The following TMEM132D variants were observed in gnomAD, a reference collection of about 807,000 sequenced individuals.
The protein encoded by TMEM132D is transmembrane protein 132D.
Under a neutral mutation model 62.3 loss-of-function variants are expected in TMEM132D, and 21 were observed. That is an observed-to-expected ratio of 0.34 (90% confidence interval 0.24 to 0.49). TMEM132D has a LOEUF of 0.49. TMEM132D is among the 20% of genes least tolerant of loss of function. The probability of loss-of-function intolerance (pLI) is 0.99; values close to 1 mark genes in which losing one functional copy is unlikely to be tolerated. For synonymous variants in TMEM132D, 621 were observed against 575.6 expected, an observed-to-expected ratio of 1.08 and a Z score of -1.13; for missense variants, 1,346 against 1,402.8, an observed-to-expected ratio of 0.96 and a Z score of 0.65.
intron 4 of TMEM132D, among the ~76,000 whole-genome samples, chr12:129,238,992 TTC>T (rs1879859782): frequency 7.4e-6 from 1 of 134,484 alleles, no homozygotes; most frequent in African/African-American, 3.0e-5. Context: ...ATTTGTTATT[TTC>T]TGTTTTTTTT....
intron 2 of TMEM132D, among the ~76,000 whole-genome samples, chr12:129,676,936 C>T (rs1374933412): frequency 6.6e-6 from 1 of 152,252 alleles, no homozygotes; most frequent in Admixed American, 6.5e-5. Flanking sequence ...TATCCTATCC[C>T]GCCTTTTGCA....
chr12:129,861,611 A>C lies in TMEM132D; in HGVS notation c.79+41650T>G, dbSNP rs140403482. 4.2e-3 allele frequency among the ~76,000 whole-genome samples: 647 copies of C among 152,238 alleles called. 4 individuals carry two copies. Among genetic ancestry groups the C allele is most frequent in the African/African-American group, 0.015 (624 of 41,546 alleles). ...CCCCATCTCTACTAAAAATACAAAAATTAGCCGGTCATGGTGGTGCACTCC... is the reference window on the plus strand; with the variant it reads ...CCCCATCTCTACTAAAAATACAAAACTTAGCCGGTCATGGTGGTGCACTCC... On this transcript the variant is annotated intron_variant, in intron 1 of 8. Coordinates refer to ENST00000422113, the MANE Select transcript of TMEM132D (RefSeq NM_133448.3).
chr12:129,278,554 C>T (rs542731509), intron 4 of TMEM132D, among the ~76,000 whole-genome samples: 1 of 152,296 alleles, frequency 6.6e-6, no homozygotes, highest in South Asian at 2.1e-4. Flanking sequence ...GAACTCTTGA[C>T]TGTCTAGGGC....
At chr12:129,866,527 G>A (rs934742247) in intron 1 of TMEM132D, among the ~76,000 whole-genome samples, 3 of 151,690 alleles carry the variant, frequency 2.0e-5, no homozygotes, top group Non-Finnish European at 4.4e-5. Context: ...CACTAACATG[G>A]CACATGTATA....
At chr12:129,892,313 T>C (rs1291843951) in intron 1 of TMEM132D, among the ~76,000 whole-genome samples, 1 of 152,224 alleles carries the variant, frequency 6.6e-6, no homozygotes, top group Non-Finnish European at 1.5e-5. Flanking sequence ...AAATCTATGT[T>C]TAATAGACAA....
At chr12:129,358,598 G>A (rs765824461) in intron 3 of TMEM132D, among the ~76,000 whole-genome samples, 7 of 152,142 alleles carry the variant, frequency 4.6e-5, no homozygotes, top group Admixed American at 6.5e-5. Flanking sequence ...AGGGGAGGTG[G>A]GAGGTGGACA....
intron 4 of TMEM132D, among the ~76,000 whole-genome samples, chr12:129,319,346 A>C (rs1868605905): frequency 6.6e-6 from 1 of 152,160 alleles, no homozygotes; most frequent in African/African-American, 2.4e-5. Flanking sequence ...GTAAAGTTAG[A>C]AACTTCTTCC....
chr12:129,132,913 CCACTT>C (rs1323251745), intron 5 of TMEM132D, among the ~76,000 whole-genome samples: 34 of 152,232 alleles, frequency 2.2e-4, no homozygotes, highest in Middle Eastern at 3.4e-3. Context: ...GTAGCTGACT[CCACTT>C]CACTCCAGTT....
intron 2 of TMEM132D, among the ~76,000 whole-genome samples, chr12:129,651,778 T>C (rs1307516433): frequency 6.6e-6 from 1 of 151,966 alleles, no homozygotes; most frequent in Non-Finnish European, 1.5e-5. Context: ...CTTTGAGGAG[T>C]CATGCATGTA....
chr12:129,778,556 C>T (rs1197124018), intron 1 of TMEM132D, among the ~76,000 whole-genome samples: 2 of 152,192 alleles, frequency 1.3e-5, no homozygotes, highest in African/African-American at 4.8e-5. Flanking sequence ...GCACAGTCAT[C>T]CTGAGCATTG....
chr12:129,619,744 C>T lies in TMEM132D; in HGVS notation c.968+80066G>A, dbSNP rs534930432. 1.6e-4 allele frequency among the ~76,000 whole-genome samples: 25 copies of T among 152,316 alleles called. No homozygotes were observed. The South Asian group carries it at 4.4e-3, about 27-fold the overall frequency. On this transcript the variant is annotated intron_variant, in intron 2 of 8. Coordinates refer to ENST00000422113, the MANE Select transcript of TMEM132D (RefSeq NM_133448.3). ...ATCATCTGACATTTGGTTTAAAGGTCTCAATCAGGAGTGTTAATGAAACTC... is the reference window on the plus strand; with the variant it reads ...ATCATCTGACATTTGGTTTAAAGGTTTCAATCAGGAGTGTTAATGAAACTC...
chr12:129,866,421 C>T (rs1874062947), intron 1 of TMEM132D, among the ~76,000 whole-genome samples: 2 of 133,944 alleles, frequency 1.5e-5, no homozygotes, highest in African/African-American at 5.8e-5. Context: ...AGGTGGGGAA[C>T]ATCACACACC....
chr12:129,337,878 C>A, intron 3 of TMEM132D, 61 bp from the exon 4 acceptor site: 1 of 1,513,994 alleles, frequency 6.6e-7, no homozygotes, highest in Non-Finnish European at 8.8e-7. Flanking sequence ...GCACGCTTGG[C>A]AGAGAGTGGG....
intron 5 of TMEM132D, among the ~76,000 whole-genome samples, chr12:129,152,288 G>A (rs1354393129): frequency 6.6e-6 from 1 of 152,198 alleles, no homozygotes; most frequent in Non-Finnish European, 1.5e-5. Context: ...TTGTCACAGA[G>A]CATTTCTCCA....
rs149113234 is a variant in TMEM132D, at chr12:129,419,145, A to C, written c.1116-81328T>G. Reference sequence around the variant, plus strand: ...GTTATGTAAAAAATGGGTGGAGAAAACTAATACACCCTATTTCTTCTATTT... The same window carrying C: ...GTTATGTAAAAAATGGGTGGAGAAACCTAATACACCCTATTTCTTCTATTT... On this transcript the variant is annotated intron_variant, in intron 3 of 8. Coordinates refer to ENST00000422113, the MANE Select transcript of TMEM132D (RefSeq NM_133448.3). Among the ~76,000 whole-genome samples, 1,304 of 151,892 alleles carry C rather than the reference A, an allele frequency of 8.6e-3. 11 individuals carry two copies. Among genetic ancestry groups the C allele is most frequent in the Middle Eastern group, 0.027 (8 of 294 alleles).
chr12:129,207,407 G>A (rs1878885787), intron 5 of TMEM132D, among the ~76,000 whole-genome samples: 1 of 152,210 alleles, frequency 6.6e-6, no homozygotes, highest in South Asian at 2.1e-4. Context: ...ATAAACGTAT[G>A]CTATGTATGA....
At position 129,749,379 on chromosome 12, in the gene TMEM132D, C is replaced by T. The variant is rs114329507; in HGVS notation, c.80-48681G>A. ...TTCAGAGAAGTAAAACTTTCATGAA[C>T]TGTCATTAATCAGAGGTGTCTCTTC... On this transcript the variant is annotated intron_variant, in intron 1 of 8. Transcript: ENST00000422113. 2.7e-3 allele frequency among the ~76,000 whole-genome samples: 415 copies of T among 152,230 alleles called. 4 individuals carry two copies. The highest frequency in any genetic ancestry group is 9.5e-3 in the African/African-American group (393 of 41,562).
At chr12:129,383,780 A>G (rs1871023812) in intron 3 of TMEM132D, among the ~76,000 whole-genome samples, 2 of 152,184 alleles carry the variant, frequency 1.3e-5, no homozygotes, top group Non-Finnish European at 2.9e-5. Flanking sequence ...TGCCTTGATT[A>G]GTACAATGGT....
At chr12:129,781,288 T>C (rs1433730073) in intron 1 of TMEM132D, among the ~76,000 whole-genome samples, 3 of 152,148 alleles carry the variant, frequency 2.0e-5, no homozygotes, top group Non-Finnish European at 2.9e-5. Context: ...TTGTGTTTCA[T>C]AGAAATAGTT....
Sources: gnomAD v4.1 joint callset for allele counts (sites outside exome capture counted in the v4.1 genomes callset) on GRCh38, gnomAD v4.1.1 for gene constraint, MANE v1.5 for transcripts, NCBI Gene and HGNC (gene_info 2026-07-23, HGNC 2026-07-21) for gene names.